Variants in CIDEB observed in about 807,000 individuals in gnomAD.
The protein encoded by CIDEB is cell death inducing DFFA like effector b.
Under a neutral mutation model 22.4 loss-of-function variants are expected in CIDEB, and 27 were observed. The ratio of observed to expected loss-of-function variants is 1.21; its 90% CI spans 0.89 to 1.66. The LOEUF (loss-of-function observed/expected upper bound fraction) is 1.66, where lower values mean the gene tolerates loss of function less well. Among genes scored for constraint, CIDEB ranks in the 40% most tolerant of loss-of-function variants. The probability of loss-of-function intolerance (pLI) is 0.00; values close to 1 mark genes in which losing one functional copy is unlikely to be tolerated. For synonymous variants in CIDEB, 103 were observed against 109.5 expected, an observed-to-expected ratio of 0.94 and a Z score of 0.37; for missense variants, 289 against 268.7, an observed-to-expected ratio of 1.08 and a Z score of -0.53.
chr14:24,305,596 G>A lies in CIDEB; in HGVS notation c.*37C>T, dbSNP rs1364907661. 1.3e-6 allele frequency: 2 copies of A among 1,594,714 alleles called. No homozygotes were observed. Among genetic ancestry groups the A allele is most frequent in the Non-Finnish European group, 1.7e-6 (2 of 1,171,140 alleles). On this transcript the variant is annotated 3_prime_UTR_variant, in exon 5 of 5. Transcript: ENST00000554411. ...GCTGTCATAGTCTTTGCAGTGGGTC[G>A]GTTGGAATGATTCTGGGGGCAGAAG...
At chr14:24,306,166 A>G in intron 3 of CIDEB, 29 bp from the exon 4 acceptor site, 1 of 1,603,022 alleles carries the variant, frequency 6.2e-7, no homozygotes, top group Non-Finnish European at 8.5e-7. Context: ...AGTGCAGTAG[A>G]TCCTCATACC....
chr14:24,307,022 CTG>C (rs1415928691), intron 2 of CIDEB: 1 of 258,492 alleles, frequency 3.9e-6, no homozygotes, highest in African/African-American at 2.2e-5. Flanking sequence ...GTTGAAGAAA[CTG>C]AGGTTTTGGT....
upstream of CIDEB, chr14:24,309,218 C>T (rs747399429): frequency 6.6e-6 from 1 of 152,238 alleles, no homozygotes; most frequent in Non-Finnish European, 1.5e-5. Flanking sequence ...AATGGCTTTC[C>T]TCTCTCTTGT....
At chr14:24,308,854 T>C (rs1594631994), upstream of CIDEB, 1 of 152,242 alleles carries the variant, frequency 6.6e-6, no homozygotes, top group South Asian at 2.1e-4. Context: ...ACAGAGTAAC[T>C]TGATTGCCCT....
At chr14:24,310,911 AC>A, upstream of CIDEB, 1 of 1,590,550 alleles carries the variant, frequency 6.3e-7, no homozygotes, top group Non-Finnish European at 8.5e-7. Context: ...GGCCTTCCTG[AC>A]CCGGCAGGCC....
At chr14:24,308,168 A>C, upstream of CIDEB, 2 of 408,350 alleles carry the variant, frequency 4.9e-6, no homozygotes, top group East Asian at 4.7e-5. Flanking sequence ...AAAGGATGAA[A>C]TGTGACTTCT....
chr14:24,306,386 C>T lies in CIDEB; in HGVS notation c.324G>A (p.Trp108Ter), dbSNP rs2041507897. ...CLMVLQSGQS[W>*]SPTRSGVLSY... ...ATAGGCCTCTTACCCTTGTAGGGCT[C>T]CAGCTCTGACCAGACTGCAACACCA... The change falls in exon 3 of 5, where the codon TGG (tryptophan) becomes TGA (stop). Residue 108 changes from tryptophan (W) to a stop codon, truncating the protein, a stop_gained. Transcript: ENST00000554411. LOFTEE classifies it high-confidence loss of function. The T allele has an allele frequency of 6.2e-7, 1 of 1,614,102 alleles. No individual in the cohort carries two copies. The highest frequency in any genetic ancestry group is 1.7e-5 in the Admixed American group (1 of 60,006).
chr14:24,307,705 T>C, intron 1 of CIDEB, 113 bp downstream of exon 1: 1 of 1,297,042 alleles, frequency 7.7e-7, no homozygotes, highest in Admixed American at 2.0e-5. Flanking sequence ...CACTGTGGAG[T>C]GGGGAGCAGG....
chr14:24,310,874 G>C (rs761169239), upstream of CIDEB: 5 of 1,591,946 alleles, frequency 3.1e-6, no homozygotes, highest in African/African-American at 5.4e-5. Flanking sequence ...CCGACGGCGC[G>C]GTGCTGCTGC....
At chr14:24,306,269 ACTC>A (rs1205574875) in intron 3 of CIDEB, 102 bp downstream of exon 3, 8 of 1,545,900 alleles carry the variant, frequency 5.2e-6, no homozygotes, top group South Asian at 4.7e-5. Context: ...CAATTCCACA[ACTC>A]CTCCTGCACC....
At chr14:24,310,624 G>A (rs758907529), upstream of CIDEB, 1 of 1,606,536 alleles carries the variant, frequency 6.2e-7, no homozygotes, top group South Asian at 1.1e-5. Flanking sequence ...ACCCCTGAAC[G>A]CCCTCTGTGG....
Position 24,307,379 on chromosome 14 carries a change from G to C in CIDEB, c.178C>G (p.Leu60Val), listed in dbSNP as rs1483783615. The C allele has an allele frequency of 6.2e-7, 1 of 1,613,436 alleles. No individual in the cohort carries two copies. Among genetic ancestry groups the C allele is most frequent in the Admixed American group, 1.7e-5 (1 of 59,920 alleles). ...GAACTTGGCCTACTTACTTTGGCTA[G>C]CAGCTCCTGGCGGGTGGCAGCTGTC... is the stretch of plus-strand genomic sequence containing the variant. ...GLTAATRQELLAKALETLLLN... is the reference protein window; with the variant it reads ...GLTAATRQELVAKALETLLLN... Residue 60 changes from leucine (L) to valine (V), a missense_variant, in exon 2 of 5, where the codon CTA becomes GTA. Physicochemically the swap from Leu to Val is conservative, Grantham distance 32. Coordinates refer to ENST00000554411, the MANE Select transcript of CIDEB (RefSeq NM_001393339.1).
rs1566415863 is a variant in CIDEB at position 24,305,983 on chromosome 14, C to G, written c.491G>C (p.Cys164Ser). ...CTTTGGGCCAAGTCCTTGAAAGTCA[C>G]AACTCATAGAGTAGAGCCCGTAGAA... is the stretch of plus-strand genomic sequence containing the variant. ...ATFYGLYSMS[C>S]DFQGLGPKKV... Residue 164 changes from cysteine to serine, a missense_variant, in exon 4 of 5, where the codon TGT becomes TCT. Coordinates refer to ENST00000554411, the MANE Select transcript of CIDEB (RefSeq NM_001393339.1). The G allele has an allele frequency of 6.2e-7, 1 of 1,614,072 alleles. No individual in the cohort carries two copies. The highest frequency in any genetic ancestry group is 8.5e-7 in the Non-Finnish European group (1 of 1,179,990).
chr14:24,311,261 C>T (rs113326269), upstream of CIDEB: 21 of 1,603,814 alleles, frequency 1.3e-5, 1 homozygote, highest in African/African-American at 1.3e-4. Flanking sequence ...TGATGCTCGG[C>T]TGCTACAGCG....
chr14:24,305,992 G>C lies in CIDEB; in HGVS notation c.482C>G (p.Ser161Cys). Residue 161 changes from serine to cysteine, a missense_variant, in exon 4 of 5, where the codon TCT becomes TGT. Ser to Cys is a moderately radical substitution (Grantham distance 112). Transcript: ENST00000554411. ...AAGTCCTTGAAAGTCACAACTCATA[G>C]AGTAGAGCCCGTAGAATGTGGCTTT... ...NVKATFYGLY[S>C]MSCDFQGLGP... 6.2e-7 allele frequency: 1 copy of C among 1,614,180 alleles called. No homozygotes were observed. Among genetic ancestry groups the C allele is most frequent in the Non-Finnish European group, 8.5e-7 (1 of 1,180,026 alleles).
At chr14:24,310,427 G>A, upstream of CIDEB, 2 of 664,716 alleles carry the variant, frequency 3.0e-6, no homozygotes, top group Non-Finnish European at 5.4e-6. Context: ...TGGGAAGGAG[G>A]CCAGGAGTGG....
At chr14:24,306,765 C>A in intron 2 of CIDEB, 1 of 534,552 alleles carries the variant, frequency 1.9e-6, no homozygotes, top group Non-Finnish European at 3.4e-6. Context: ...CCTTGCTCCC[C>A]TCCAAGTCAC....
rs1325112486 is a variant in CIDEB, at chr14:24,305,660, C to G, written c.633G>C (p.Gln211His). Residue 211 changes from glutamine to histidine, a missense_variant, in exon 5 of 5, where the codon CAG becomes CAC. Coordinates refer to ENST00000554411, the MANE Select transcript of CIDEB (RefSeq NM_001393339.1). ...AGTAGGAATGGAGGCGGCCCTTCTG[C>G]TGCCACTGCTCAGCCCCCTCCACTG... ...RHAVEGAEQW[Q>H]QKGRLHSY 1 of 1,613,876 alleles carries G rather than the reference C, an allele frequency of 6.2e-7. No individual in the cohort carries two copies. Among genetic ancestry groups the G allele is most frequent in the Non-Finnish European group, 8.5e-7 (1 of 1,179,944 alleles).
At chr14:24,306,295 T>A (rs2041504806) in intron 3 of CIDEB, 79 bp downstream of exon 3, 4 of 1,576,200 alleles carry the variant, frequency 2.5e-6, no homozygotes, top group Middle Eastern at 1.7e-4. Context: ...GTCCCCAGGA[T>A]CAGGGTTAAG....
Sources: gnomAD v4.1 joint callset for allele counts on GRCh38, gnomAD v4.1.1 for gene constraint, MANE v1.5 for transcripts, NCBI Gene and HGNC (gene_info 2026-07-23, HGNC 2026-07-21) for gene names.